The following PTPN21 variants were observed in gnomAD, a reference collection of about 807,000 sequenced individuals.
PTPN21 encodes protein tyrosine phosphatase non-receptor type 21.
A neutral mutation model predicts 131.8 loss-of-function variants in PTPN21; 77 were observed. That is an observed-to-expected ratio of 0.58 (90% CI 0.49 to 0.71). PTPN21 has a LOEUF of 0.71. PTPN21 is among the 30% of genes least tolerant of loss of function. PTPN21 has a pLI of 0.00. For synonymous variants in PTPN21, 715 were observed against 621.3 expected (o/e 1.15, Z -2.24); for missense variants, 1,552 against 1,527.1 (o/e 1.02, Z -0.27).
intron 4 of PTPN21, among the ~76,000 whole-genome samples, chr14:88,506,065 C>G (rs1208973038): frequency 6.6e-6 from 1 of 152,154 alleles, no homozygotes; most frequent in Non-Finnish European, 1.5e-5. Flanking sequence ...CCCAGCCAGG[C>G]ACAGTGGCTC....
intron 2 of PTPN21, among the ~76,000 whole-genome samples, chr14:88,532,570 A>G (rs961324167): frequency 2.0e-4 from 30 of 152,214 alleles, no homozygotes; most frequent in African/African-American, 6.5e-4. Context: ...GTTATAAAGT[A>G]TATGCCCTTG....
At position 88,485,038 on chromosome 14, in the gene PTPN21, A is replaced by G. The variant is rs201350137; in HGVS notation, c.1078+38T>C. On this transcript the variant is annotated intron_variant, in intron 12 of 18. Transcript: ENST00000556564. ...AGCATTCACAGATTTATCCATAGTC[A>G]TAACTATGTAAGGCATGGCAGAAAC... 389 of 1,502,940 alleles carry G rather than the reference A, an allele frequency of 2.6e-4. 1 individual carries two copies. The East Asian group carries it at 8.3e-3, about 32-fold the overall frequency. The allele number at this position is 1,502,940 out of a possible 1,614,324, so 93.1% of individuals were successfully genotyped here. A position where few individuals can be genotyped will look rare whatever the true frequency, so the allele number is the denominator to read the frequency against.
intron 2 of PTPN21, among the ~76,000 whole-genome samples, chr14:88,546,703 T>G (rs535832224): frequency 1.3e-5 from 2 of 152,286 alleles, no homozygotes; most frequent in East Asian, 3.9e-4. Flanking sequence ...ATGCGATAAT[T>G]CCAGATTTGC....
At chr14:88,531,539 AGAGT>A (rs1220283441) in intron 2 of PTPN21, among the ~76,000 whole-genome samples, 1 of 152,194 alleles carries the variant, frequency 6.6e-6, no homozygotes, top group African/African-American at 2.4e-5. Context: ...CCTGGACAAC[AGAGT>A]GAGACTCCAT....
At chr14:88,500,922 A>G in intron 7 of PTPN21, 51 bp from the exon 8 acceptor site, 1 of 1,309,856 alleles carries the variant, frequency 7.6e-7, no homozygotes, top group African/African-American at 1.4e-5. Context: ...ATGCAGAGGA[A>G]CTGCTGCTAG....
chr14:88,503,538 C>T (rs894349264), intron 6 of PTPN21, among the ~76,000 whole-genome samples: 3 of 152,128 alleles, frequency 2.0e-5, no homozygotes, highest in Admixed American at 1.3e-4. Flanking sequence ...CGAGGACCCA[C>T]GCAACTATTC....
chr14:88,485,299 GACACAGTAGTTCTTA>G, intron 11 of PTPN21, 139 bp from the exon 12 acceptor site: 1 of 514,826 alleles, frequency 1.9e-6, no homozygotes, highest in South Asian at 4.3e-5. Flanking sequence ...TAAACATGAA[GACACAGTAGTTCTTA>G]ACATATCTAG....
chr14:88,543,267 G>A (rs779307682), intron 2 of PTPN21, among the ~76,000 whole-genome samples: 1 of 152,176 alleles, frequency 6.6e-6, no homozygotes, highest in Non-Finnish European at 1.5e-5. Flanking sequence ...AAGGTGCTAT[G>A]AGAAGTATCT....
rs1326881219 is a variant in PTPN21 at position 88,518,256 on chromosome 14, AT to A, written c.181-996del. Among the ~76,000 whole-genome samples, 137 of 32,504 alleles carry A rather than the reference AT, an allele frequency of 4.2e-3. 1 individual carries two copies. The highest frequency in any genetic ancestry group is 0.02 in the African/African-American group (127 of 6,342). The allele number at this position is 32,504 out of a possible 152,430, so 21.3% of individuals were successfully genotyped here. On this transcript the variant is annotated intron_variant, in intron 2 of 18. Coordinates refer to ENST00000556564, the MANE Select transcript of PTPN21 (RefSeq NM_007039.4). The stretch of plus-strand genomic sequence containing the variant: ...AAAAAAAAAAAAAAAAAAAAAAAAA[AT>A]ATATATATATATATATACACACACA...
At position 88,518,384 on chromosome 14, in the gene PTPN21, GTGTATATATATA is replaced by G. The variant is rs1179262429; in HGVS notation, c.181-1135_181-1124del. On this transcript the variant is annotated intron_variant, in intron 2 of 18. Coordinates refer to ENST00000556564, the MANE Select transcript of PTPN21 (RefSeq NM_007039.4). ...TACACGTGTGTGTGTATGTGTGTGT[GTGTATATATATA>G]TATATATATATATATATATTTTTTT... Among the ~76,000 whole-genome samples, 72 of 13,318 alleles carry G rather than the reference GTGTATATATATA, an allele frequency of 5.4e-3. 1 individual carries two copies. The highest frequency in any genetic ancestry group is 0.012 in the African/African-American group (65 of 5,334). The allele number at this position is 13,318 out of a possible 152,430, so 8.7% of individuals were successfully genotyped here.
At chr14:88,483,825 A>T (rs1595357390) in intron 12 of PTPN21, among the ~76,000 whole-genome samples, 1 of 152,142 alleles carries the variant, frequency 6.6e-6, no homozygotes, top group East Asian at 1.9e-4. Flanking sequence ...ATGCTGTCTC[A>T]GAAAAACTAT....
At chr14:88,533,747 G>C (rs2078586567) in intron 2 of PTPN21, among the ~76,000 whole-genome samples, 1 of 151,984 alleles carries the variant, frequency 6.6e-6, no homozygotes, top group Admixed American at 6.6e-5. Context: ...GCCAGGTGTG[G>C]TGGTGTAGAC....
At chr14:88,552,954 C>G (rs948090262) in intron 1 of PTPN21, among the ~76,000 whole-genome samples, 6 of 152,098 alleles carry the variant, frequency 3.9e-5, no homozygotes, top group African/African-American at 1.4e-4. Flanking sequence ...ATTATGGTAA[C>G]TGGAAACCGG....
chr14:88,472,559 T>C (rs1450859773), intron 14 of PTPN21, 94 bp from the exon 15 acceptor site: 1 of 792,418 alleles, frequency 1.3e-6, no homozygotes, highest in East Asian at 2.7e-5. Context: ...CTGCTTCAAA[T>C]CTAGCACTGT....
At chr14:88,543,421 A>G (rs1297687354) in intron 2 of PTPN21, among the ~76,000 whole-genome samples, 2 of 152,240 alleles carry the variant, frequency 1.3e-5, no homozygotes, top group African/African-American at 4.8e-5. Flanking sequence ...GTGCTTTTCT[A>G]TCTGTATACA....
chr14:88,510,607 G>A (rs528980118), intron 3 of PTPN21, among the ~76,000 whole-genome samples: 1 of 152,136 alleles, frequency 6.6e-6, no homozygotes, highest in African/African-American at 2.4e-5. Flanking sequence ...CACAATGGTC[G>A]AGAGCAAGGA....
At chr14:88,551,448 C>T (rs1348446478) in intron 1 of PTPN21, 2 of 152,264 alleles carry the variant, frequency 1.3e-5, no homozygotes, top group African/African-American at 4.8e-5. Flanking sequence ...CTCCCGCGTC[C>T]TCCCCTTGGG....
intron 3 of PTPN21, chr14:88,515,406 A>G (rs181369494): frequency 7.9e-5 from 12 of 152,148 alleles, no homozygotes; most frequent in Non-Finnish European, 1.5e-4. Flanking sequence ...TCCTGCCTAT[A>G]GTCTTGCCAT....
intron 3 of PTPN21, 128 bp from the exon 4 acceptor site, chr14:88,508,148 GTGT>G: frequency 2.4e-6 from 1 of 413,322 alleles, no homozygotes; most frequent in Non-Finnish European, 4.2e-6. Flanking sequence ...ATGGTTGTGT[GTGT>G]TTTTTTTTTT....
Sources: allele counts gnomAD v4.1 joint callset (sites outside exome capture counted in the v4.1 genomes callset), GRCh38; gene constraint gnomAD v4.1.1; transcripts MANE v1.5; gene names NCBI Gene and HGNC (gene_info 2026-07-23, HGNC 2026-07-21).